XRN1: variants seen among roughly 807,000 people sequenced by gnomAD.
XRN1 encodes the protein strand-exchange protein 1 homolog.
A neutral mutation model predicts 222.3 loss-of-function variants in XRN1; 67 were observed. The observed-to-expected ratio is 0.30, with a 90% CI of 0.25 to 0.37. XRN1 has a LOEUF of 0.37. XRN1 is among the 10% of genes least tolerant of loss of function. The pLI, the probability that XRN1 is intolerant of heterozygous loss-of-function variation, is 1.00. For missense variants in XRN1, 1,707 were observed against 2,000.2 expected, an observed-to-expected ratio of 0.85 and a Z score of 2.80; for synonymous variants, 643 against 652.4, an observed-to-expected ratio of 0.99 and a Z score of 0.22.
At chr3:142,347,159 T>C (rs1442446983) in intron 33 of XRN1, 75 bp downstream of exon 33, 1 of 1,065,532 alleles carries the variant, frequency 9.4e-7, no homozygotes, top group African/African-American at 1.6e-5. Context: ...GGTATGTAAA[T>C]TATATCAATA....
At chr3:142,324,901 G>A (rs966167597) in intron 37 of XRN1, among the ~76,000 whole-genome samples, 1 of 152,184 alleles carries the variant, frequency 6.6e-6, no homozygotes, top group East Asian at 1.9e-4. Context: ...CTTCTTTTGA[G>A]AAGTGTATAT....
At chr3:142,443,082 G>A (rs778795941) in intron 1 of XRN1, among the ~76,000 whole-genome samples, 2 of 152,100 alleles carry the variant, frequency 1.3e-5, no homozygotes, top group Non-Finnish European at 2.9e-5. Flanking sequence ...TTCCAGAATC[G>A]AAGCTGTAAA....
At chr3:142,441,488 G>A (rs151041321) in intron 1 of XRN1, among the ~76,000 whole-genome samples, 135 of 152,336 alleles carry the variant, frequency 8.9e-4, no homozygotes, top group African/African-American at 2.7e-3. Flanking sequence ...TCCGAGGGAC[G>A]AGCTTGCAAC....
chr3:142,347,085 T>A, intron 33 of XRN1, 149 bp downstream of exon 33: 4 of 610,536 alleles, frequency 6.6e-6, no homozygotes, highest in South Asian at 2.2e-5. Flanking sequence ...GTGTTGGTTA[T>A]ACAATTTTGT....
intron 36 of XRN1, among the ~76,000 whole-genome samples, chr3:142,330,167 AAGT>A: frequency 6.6e-6 from 1 of 152,228 alleles, no homozygotes; most frequent in Non-Finnish European, 1.5e-5. Flanking sequence ...TGTTTTGCAG[AAGT>A]AAGAAGAGAA....
At chr3:142,401,716 A>G (rs1393049918) in intron 18 of XRN1, among the ~76,000 whole-genome samples, 2 of 152,164 alleles carry the variant, frequency 1.3e-5, no homozygotes, top group African/African-American at 2.4e-5. Flanking sequence ...TCTGTCAAAC[A>G]AACAAACAAA....
At chr3:142,318,249 C>T (rs190658939) in intron 39 of XRN1, among the ~76,000 whole-genome samples, 2 of 138,054 alleles carry the variant, frequency 1.4e-5, no homozygotes, top group East Asian at 2.1e-4. Flanking sequence ...TTAGTCTCAA[C>T]AAGATTTTGG....
At chr3:142,343,526 A>G (rs990866935) in intron 33 of XRN1, among the ~76,000 whole-genome samples, 2 of 152,158 alleles carry the variant, frequency 1.3e-5, no homozygotes, top group African/African-American at 2.4e-5. Context: ...TCAAAACTAT[A>G]ATGAGATATC....
At chr3:142,358,428 A>G (rs1445521328) in intron 30 of XRN1, among the ~76,000 whole-genome samples, 2 of 152,216 alleles carry the variant, frequency 1.3e-5, no homozygotes, top group Non-Finnish European at 2.9e-5. Flanking sequence ...GTGGAAAAGT[A>G]GATTTCTATG....
intron 1 of XRN1, among the ~76,000 whole-genome samples, chr3:142,441,751 T>A (rs1322459043): frequency 2.0e-5 from 3 of 152,200 alleles, no homozygotes; most frequent in African/African-American, 7.2e-5. Flanking sequence ...TGTGCACTTG[T>A]GCAACTCTTA....
intron 20 of XRN1, among the ~76,000 whole-genome samples, chr3:142,385,297 G>GAAT (rs1297442529): frequency 6.6e-6 from 1 of 152,104 alleles, no homozygotes; most frequent in Non-Finnish European, 1.5e-5. Flanking sequence ...CCATAAAGAG[G>GAAT]AATAAGCACT....
rs139790121 is a variant in XRN1, at chr3:142,423,567, T to A, written c.703A>T (p.Thr235Ser). The part of the protein sequence containing the change: ...REEVRFGGKK[T>S]QRVCAPEETT... ...ATATGCTATATAATTTACCGTTGTG[T>A]TTTTTTGCCACCAAATCGAACTTCT... The change falls in exon 6 of 41, where the codon ACA becomes TCA. Residue 235 changes from threonine to serine, a missense_variant. By Grantham distance (58) the Thr-to-Ser change is moderately conservative. Around this residue, in one of 2 missense-constraint regions of XRN1, gnomAD observed 1,234 missense variants for 1,518.2 expected, o/e 0.81. Coordinates refer to ENST00000392981, the MANE Select transcript of XRN1 (RefSeq NM_001282857.2). The A allele has an allele frequency of 1.4e-4, 227 of 1,599,142 alleles. No individual in the cohort carries two copies. The highest frequency in any genetic ancestry group is 1.9e-4 in the Non-Finnish European group (219 of 1,174,726).
chr3:142,328,714 T>C (rs1212593235), intron 37 of XRN1, among the ~76,000 whole-genome samples: 246 of 2,192 alleles, frequency 0.11, 23 homozygotes, highest in African/African-American at 0.35. Context: ...TATATATATA[T>C]ATATATATAT....
At chr3:142,379,147 T>TGTAA (rs1471692599) in intron 23 of XRN1, among the ~76,000 whole-genome samples, 1 of 151,190 alleles carries the variant, frequency 6.6e-6, no homozygotes, top group African/African-American at 2.4e-5. Flanking sequence ...GGTGGGTGCC[T>TGTAA]GTAATCCCAG....
chr3:142,434,971 C>G (rs529083730), intron 1 of XRN1: 4 of 151,994 alleles, frequency 2.6e-5, no homozygotes, highest in Admixed American at 6.5e-5. Context: ...GTAGGAAAAG[C>G]CAGAAATCAT....
At position 142,425,308 on chromosome 3, in the gene XRN1, T is replaced by C; in HGVS notation, c.541A>G (p.Ile181Val). 3 of 1,607,950 alleles carry C rather than the reference T, an allele frequency of 1.9e-6. No homozygotes were observed. The highest frequency in any genetic ancestry group is 2.5e-6 in the Non-Finnish European group (3 of 1,177,070). Reference sequence around the variant, plus strand: ...TTCTCGGATCTGATAAATTCCATGATTTTATGCTCTCCTTCTCCAGGAGTC... The same window carrying C: ...TTCTCGGATCTGATAAATTCCATGACTTTATGCTCTCCTTCTCCAGGAGTC... ...HETPGEGEHK[I>V]MEFIRSEKAK... The change falls in exon 5 of 41, where the codon ATC (isoleucine) becomes GTC (valine). Residue 181 changes from isoleucine to valine, a missense_variant. Around this residue, in one of 2 missense-constraint regions of XRN1, gnomAD observed 1,234 missense variants for 1,518.2 expected, o/e 0.81. Coordinates refer to ENST00000392981, the MANE Select transcript of XRN1 (RefSeq NM_001282857.2).
At chr3:142,335,209 C>T (rs982536006) in intron 34 of XRN1, among the ~76,000 whole-genome samples, 2 of 152,092 alleles carry the variant, frequency 1.3e-5, no homozygotes, top group Non-Finnish European at 2.9e-5. Flanking sequence ...AAGTGAATTG[C>T]TCAAGGCCAC....
intron 29 of XRN1, among the ~76,000 whole-genome samples, chr3:142,362,362 T>G (rs2066666664): frequency 6.6e-6 from 1 of 152,066 alleles, no homozygotes; most frequent in Non-Finnish European, 1.5e-5. Context: ...AATCTCAAAC[T>G]CCTAACCTTG....
chr3:142,427,111 A>G (rs1229247660), intron 2 of XRN1, among the ~76,000 whole-genome samples: 2 of 152,104 alleles, frequency 1.3e-5, no homozygotes, highest in Non-Finnish European at 2.9e-5. Flanking sequence ...GGGAAGAACA[A>G]TTGAGTCTAG....
Sources: gnomAD v4.1 joint callset for allele counts (sites outside exome capture counted in the v4.1 genomes callset) on GRCh38, gnomAD v4.1.1 for gene constraint, gnomAD v4.1.1 regional missense constraint, MANE v1.5 for transcripts, NCBI Gene and HGNC (gene_info 2026-07-23, HGNC 2026-07-21) for gene names.